Variants in RPP38 observed in about 807,000 individuals in gnomAD.
RPP38 encodes the protein ribonuclease P/MRP subunit p38.
In RPP38, 2 loss-of-function variants were observed where a neutral mutation model predicts 1.7. That is an observed-to-expected ratio of 1.18 (90% CI 0.48 to 3.70). The LOEUF is 3.70. RPP38 is among the 30% of genes most tolerant of loss of function. The probability of loss-of-function intolerance (pLI) is 0.07; values close to 1 mark genes in which losing one functional copy is unlikely to be tolerated. For synonymous variants in RPP38, 151 were observed against 131.8 expected, an observed-to-expected ratio of 1.15 and a Z score of -1.00; for missense variants, 358 against 340.1, an observed-to-expected ratio of 1.05 and a Z score of -0.41.
At chr10:15,101,148 T>C (rs1331492625) in intron 1 of RPP38, among the ~76,000 whole-genome samples, 1 of 152,220 alleles carries the variant, frequency 6.6e-6, no homozygotes, top group Non-Finnish European at 1.5e-5. Context: ...GAAAACTAGT[T>C]GTGACTTTAG....
chr10:15,103,222 CAG>C, intron 2 of RPP38, 81 bp from the exon 3 acceptor site: 3 of 1,182,002 alleles, frequency 2.5e-6, no homozygotes, highest in Non-Finnish European at 3.6e-6. Flanking sequence ...AAATAAGAAT[CAG>C]AGAGTACAGT....
At chr10:15,098,236 T>G (rs1021081744) in intron 1 of RPP38, among the ~76,000 whole-genome samples, 10 of 145,020 alleles carry the variant, frequency 6.9e-5, no homozygotes, top group Non-Finnish European at 1.4e-4. Context: ...GTTTTTTTTT[T>G]TTTTTTTTTT....
In RPP38 at chr10:15,103,676, C is replaced by A; in HGVS notation, c.362C>A (p.Thr121Asn). ...CTTGCCATTGGCGTTAACGAAGTTA[C>A]CAGAGCCCTGGAAAGGAGGGAACTG... ...KQLAIGVNEV[T>N]RALERRELLL... The change falls in exon 3 of 3, where the codon ACC (threonine) becomes AAC (asparagine). Residue 121 changes from threonine (T) to asparagine (N), a missense_variant. Thr to Asn is a moderately conservative substitution (Grantham distance 65). Transcript: ENST00000378197. 6.2e-7 allele frequency: 1 copy of A among 1,614,022 alleles called. No individual in the cohort carries two copies. The highest frequency in any genetic ancestry group is 8.5e-7 in the Non-Finnish European group (1 of 1,180,042).
chr10:15,097,585 G>T lies in RPP38; in HGVS notation c.-311G>T, dbSNP rs1844974540. ...TCCCGGTTGGGCCGCCCAGTCCCGG[G>T]CCGGGCGCGTGCACCCAGAGCTTCC... On this transcript the variant is annotated 5_prime_UTR_variant, in exon 1 of 3. Coordinates refer to ENST00000378197, the MANE Select transcript of RPP38 (RefSeq NM_183005.5). 6.6e-6 allele frequency: 1 copy of T among 152,316 alleles called. No individual in the cohort carries two copies. Among genetic ancestry groups the T allele is most frequent in the South Asian group, 2.1e-4 (1 of 4,840 alleles). 9.4% of individuals were successfully genotyped at this position (152,316 alleles called of 1,614,324 possible).
At chr10:15,099,670 G>T (rs1046570760) in intron 1 of RPP38, among the ~76,000 whole-genome samples, 13 of 151,878 alleles carry the variant, frequency 8.6e-5, no homozygotes, top group Non-Finnish European at 1.9e-4. Flanking sequence ...GTAGAGACTG[G>T]GTTTCACCAT....
intron 2 of RPP38, chr10:15,102,963 G>A (rs1845156559): frequency 1.2e-5 from 2 of 169,730 alleles, no homozygotes; most frequent in Non-Finnish European, 2.5e-5. Flanking sequence ...CGAGGTGGGT[G>A]GATCACCTGA....
chr10:15,100,767 G>A (rs578022367), intron 1 of RPP38, among the ~76,000 whole-genome samples: 18 of 151,382 alleles, frequency 1.2e-4, no homozygotes, highest in Non-Finnish European at 2.1e-4. Context: ...TACAACCTCC[G>A]TCTCCTGGAT....
chr10:15,099,210 T>C (rs1371194098), intron 1 of RPP38, among the ~76,000 whole-genome samples: 1 of 151,942 alleles, frequency 6.6e-6, no homozygotes, highest in African/African-American at 2.4e-5. Context: ...GACTTGCAGG[T>C]GGGAAAATGC....
chr10:15,098,226 GTTTTTT>G (rs60451551), intron 1 of RPP38, among the ~76,000 whole-genome samples: 11 of 88,008 alleles, frequency 1.2e-4, no homozygotes, highest in African/African-American at 3.1e-4. Flanking sequence ...ATTTGAACGT[GTTTTTT>G]TTTTTTTTTT....
In RPP38 at chr10:15,103,521, A is replaced by G. The variant is rs1222389955; in HGVS notation, c.207A>G (p.Thr69=). ...AAGATAAGAAGAAAAAGAACAAAAC[A>G]CCTTTTCTGAAAAAAGAAAGCAGAG... The part of the protein sequence containing the change: ...KIEDKKKKNK[T]PFLKKESREK... Residue 69 remains threonine, a synonymous_variant, in exon 3 of 3, where the codon ACA becomes ACG. Transcript: ENST00000378197. The G allele has an allele frequency of 5.0e-6, 8 of 1,613,956 alleles. No homozygotes were observed. Among genetic ancestry groups the G allele is most frequent in the Non-Finnish European group, 6.8e-6 (8 of 1,180,036 alleles).
Position 15,104,224 on chromosome 10 carries a change from T to C in RPP38, c.*58T>C. 1 of 1,474,126 alleles carries C rather than the reference T, an allele frequency of 6.8e-7. No individual in the cohort carries two copies. The allele number at this position is 1,474,126 out of a possible 1,614,324, so 91.3% of individuals were successfully genotyped here. On this transcript the variant is annotated 3_prime_UTR_variant, in exon 3 of 3. Coordinates refer to ENST00000378197, the MANE Select transcript of RPP38 (RefSeq NM_183005.5). ...TGAAAGGACACCTTGTAAAGAAGCCTTGAAACTAATAAAATGAGTTATACT... is the reference window on the plus strand; with the variant it reads ...TGAAAGGACACCTTGTAAAGAAGCCCTGAAACTAATAAAATGAGTTATACT...
At chr10:15,098,773 C>T (rs988831349) in intron 1 of RPP38, among the ~76,000 whole-genome samples, 1 of 151,064 alleles carries the variant, frequency 6.6e-6, no homozygotes, top group Non-Finnish European at 1.5e-5. Context: ...GTAGTCCCAG[C>T]TACTCGGGAG....
chr10:15,098,791 C>T (rs913292987), intron 1 of RPP38, among the ~76,000 whole-genome samples: 5 of 148,970 alleles, frequency 3.4e-5, no homozygotes, highest in African/African-American at 7.5e-5. Context: ...GAGTCTGAGG[C>T]AGGAGAATCG....
At position 15,103,538 on chromosome 10, in the gene RPP38, A is replaced by C. The variant is rs1199477096; in HGVS notation, c.224A>C (p.Glu75Ala). ...KKNKTPFLKK[E>A]SREKCSIAVD... ...AACAAAACACCTTTTCTGAAAAAAG[A>C]AAGCAGAGAGAAATGCAGCATTGCT... Residue 75 changes from glutamate to alanine, a missense_variant, in exon 3 of 3, where the codon GAA (glutamate) becomes GCA (alanine). Coordinates refer to ENST00000378197, the MANE Select transcript of RPP38 (RefSeq NM_183005.5). 10 of 1,614,170 alleles carry C rather than the reference A, an allele frequency of 6.2e-6. No individual in the cohort carries two copies. The highest frequency in any genetic ancestry group is 1.1e-5 in the South Asian group (1 of 91,080).
rs776032729 is a variant in RPP38, at chr10:15,103,726, G to A, written c.412G>A (p.Val138Ile). 6.2e-7 allele frequency: 1 copy of A among 1,613,896 alleles called. No homozygotes were observed. The highest frequency in any genetic ancestry group is 1.7e-5 in the Admixed American group (1 of 60,018). The change falls in exon 3 of 3, where the codon GTC (valine) becomes ATC (isoleucine). Residue 138 changes from valine to isoleucine, a missense_variant. Coordinates refer to ENST00000378197, the MANE Select transcript of RPP38 (RefSeq NM_183005.5). Reference sequence around the variant, plus strand: ...GCTGTTAGTTCTGGTGTGTAAATCAGTCAAGCCTGCCATGATCACCTCACA... The same window carrying A: ...GCTGTTAGTTCTGGTGTGTAAATCAATCAAGCCTGCCATGATCACCTCACA... ...ELLLVLVCKS[V>I]KPAMITSHLI...
rs1844978855 is a variant in RPP38 at position 15,097,669 on chromosome 10, A to G, written c.-227A>G. 1 of 152,340 alleles carries G rather than the reference A, an allele frequency of 6.6e-6. No homozygotes were observed. Among genetic ancestry groups the G allele is most frequent in the Admixed American group, 6.5e-5 (1 of 15,292 alleles). The allele number at this position is 152,340 out of a possible 1,614,324, so 9.4% of individuals were successfully genotyped here. ...GCGCCGGCTGGGCACCAGGAGTACA[A>G]AGCGAAAACCCCCGCCGGCCCTTCT... On this transcript the variant is annotated 5_prime_UTR_variant, in exon 1 of 3. Coordinates refer to ENST00000378197, the MANE Select transcript of RPP38 (RefSeq NM_183005.5).
intron 1 of RPP38, among the ~76,000 whole-genome samples, chr10:15,098,564 C>A (rs982738170): frequency 1.3e-5 from 2 of 150,836 alleles, no homozygotes; most frequent in Non-Finnish European, 3.0e-5. Flanking sequence ...TTACTCCATA[C>A]TTCCTTTGGT....
chr10:15,100,383 T>C (rs920804939), intron 1 of RPP38, among the ~76,000 whole-genome samples: 4 of 152,102 alleles, frequency 2.6e-5, no homozygotes, highest in Admixed American at 2.0e-4. Context: ...GCCACTTTTC[T>C]TCCTGATTTC....
At position 15,103,322 on chromosome 10, in the gene RPP38, CAGCTCCTCA is replaced by C; in HGVS notation, c.12_20del (p.Gln6_Pro8del). ...CTTGGAAGGATTTTCAAAATGGCTG[CAGCTCCTCA>C]AGCACCGGGGCGGGGATCTCTCCGT... On this transcript the variant is annotated inframe_deletion, in exon 3 of 3. Transcript: ENST00000378197. 6.4e-7 allele frequency: 1 copy of C among 1,567,068 alleles called. No homozygotes were observed. The highest frequency in any genetic ancestry group is 8.6e-7 in the Non-Finnish European group (1 of 1,160,638).
Sources: allele counts gnomAD v4.1 joint callset (sites outside exome capture counted in the v4.1 genomes callset), GRCh38; gene constraint gnomAD v4.1.1; transcripts MANE v1.5; gene names NCBI Gene and HGNC (gene_info 2026-07-23, HGNC 2026-07-21).